GRIK2: variants seen among roughly 807,000 people sequenced by gnomAD.
GRIK2 encodes the protein glutamate receptor ionotropic, kainate 2.
Under a neutral mutation model 100.3 loss-of-function variants are expected in GRIK2, and 32 were observed. The observed-to-expected ratio is 0.32, with a 90% CI of 0.24 to 0.43. The LOEUF is 0.43. Ranked by LOEUF, GRIK2 falls within the 20% of genes least tolerant of loss-of-function variation. GRIK2 has a pLI of 1.00. For missense variants in GRIK2, 843 were observed against 1,114.9 expected (o/e 0.76, Z 3.47); for synonymous variants, 417 against 389.4 (o/e 1.07, Z -0.83).
intron 5 of GRIK2, among the ~76,000 whole-genome samples, chr6:101,679,796 A>G (rs759709190): frequency 2.0e-5 from 3 of 152,094 alleles, no homozygotes; most frequent in Non-Finnish European, 2.9e-5. Context: ...CTAAAGTGCA[A>G]TGGTGCGATC....
intron 7 of GRIK2, among the ~76,000 whole-genome samples, chr6:101,753,361 G>T (rs1316378048): frequency 6.6e-6 from 1 of 151,220 alleles, no homozygotes; most frequent in Non-Finnish European, 1.5e-5. Flanking sequence ...ATATTCCTAT[G>T]AATATAATAA....
At chr6:101,471,499 T>G (rs561346452) in intron 2 of GRIK2, among the ~76,000 whole-genome samples, 5 of 151,994 alleles carry the variant, frequency 3.3e-5, no homozygotes, top group Non-Finnish European at 2.9e-5. Flanking sequence ...AATCTAATTA[T>G]TTACAGGAAC....
At chr6:101,718,601 A>G (rs1208453845) in intron 7 of GRIK2, among the ~76,000 whole-genome samples, 1 of 151,918 alleles carries the variant, frequency 6.6e-6, no homozygotes, top group African/African-American at 2.4e-5. Context: ...TCCATTATCT[A>G]GACTGTGTCC....
intron 2 of GRIK2, among the ~76,000 whole-genome samples, chr6:101,561,219 G>T (rs1776996130): frequency 6.6e-6 from 1 of 152,146 alleles, no homozygotes; most frequent in South Asian, 2.1e-4. Flanking sequence ...ATTTAAGAAA[G>T]GTGACATTCA....
chr6:101,695,746 C>T (rs934281734), intron 7 of GRIK2, among the ~76,000 whole-genome samples: 6 of 152,010 alleles, frequency 3.9e-5, no homozygotes, highest in African/African-American at 1.5e-4. Context: ...TACACCTAAC[C>T]TACCTAACAT....
At chr6:101,897,637 T>C (rs1295148326) in intron 12 of GRIK2, among the ~76,000 whole-genome samples, 1 of 151,854 alleles carries the variant, frequency 6.6e-6, no homozygotes, top group African/African-American at 2.4e-5. Context: ...CAATGTCTAG[T>C]AAAGACAGGC....
intron 7 of GRIK2, among the ~76,000 whole-genome samples, chr6:101,718,580 A>G (rs926550443): frequency 6.6e-6 from 1 of 151,884 alleles, no homozygotes. Flanking sequence ...ATTCCCAACC[A>G]CCATCATCCC....
chr6:101,416,312 G>A (rs1487841189), intron 2 of GRIK2, among the ~76,000 whole-genome samples: 1 of 152,218 alleles, frequency 6.6e-6, no homozygotes, highest in Non-Finnish European at 1.5e-5. Context: ...TGTTAGAGGG[G>A]AGAAGAAGGA....
chr6:101,739,218 ATT>A, intron 7 of GRIK2, among the ~76,000 whole-genome samples: 1 of 152,330 alleles, frequency 6.6e-6, no homozygotes, highest in Non-Finnish European at 1.5e-5. Flanking sequence ...ATCGCATGCT[ATT>A]GATTTTACTC....
chr6:101,472,317 T>C (rs183778449), intron 2 of GRIK2, among the ~76,000 whole-genome samples: 2 of 151,918 alleles, frequency 1.3e-5, no homozygotes, highest in Admixed American at 1.3e-4. Flanking sequence ...TTGTTTTCCC[T>C]GTAGAGATAT....
intron 12 of GRIK2, among the ~76,000 whole-genome samples, chr6:101,915,982 C>T (rs965786947): frequency 2.0e-5 from 3 of 151,254 alleles, no homozygotes; most frequent in Admixed American, 6.6e-5. Flanking sequence ...AGTATTTCTT[C>T]ATGGATTTAA....
At chr6:101,861,098 T>G (rs1784709366) in intron 11 of GRIK2, among the ~76,000 whole-genome samples, 2 of 152,154 alleles carry the variant, frequency 1.3e-5, no homozygotes, top group South Asian at 2.1e-4. Flanking sequence ...AAACACTGCC[T>G]TAAACACTTT....
chr6:101,417,185 T>G (rs1360617224), intron 2 of GRIK2, among the ~76,000 whole-genome samples: 1 of 152,174 alleles, frequency 6.6e-6, no homozygotes, highest in Non-Finnish European at 1.5e-5. Context: ...CTCATGAGAC[T>G]TATTCACTAT....
chr6:101,571,259 C>T (rs771630769), intron 2 of GRIK2, among the ~76,000 whole-genome samples: 11 of 151,916 alleles, frequency 7.2e-5, no homozygotes, highest in Non-Finnish European at 1.3e-4. Flanking sequence ...TTTGCTGCAC[C>T]CATCACCCCA....
At chr6:101,639,445 C>A (rs1040427094) in intron 4 of GRIK2, among the ~76,000 whole-genome samples, 2 of 152,050 alleles carry the variant, frequency 1.3e-5, no homozygotes, top group African/African-American at 4.8e-5. Context: ...ATTTCTGATA[C>A]AGAATCACTT....
intron 10 of GRIK2, among the ~76,000 whole-genome samples, chr6:101,858,720 C>A (rs1209399798): frequency 1.3e-5 from 2 of 151,788 alleles, no homozygotes. Flanking sequence ...TAAACTACTA[C>A]TTTTTAAACT....
chr6:101,747,801 T>C (rs1776515128), intron 7 of GRIK2, among the ~76,000 whole-genome samples: 1 of 152,144 alleles, frequency 6.6e-6, no homozygotes, highest in Non-Finnish European at 1.5e-5. Flanking sequence ...TATCCCATAC[T>C]GTGCCATCTT....
chr6:101,403,286 G>T (rs2128236228), intron 2 of GRIK2, among the ~76,000 whole-genome samples: 1 of 152,302 alleles, frequency 6.6e-6, no homozygotes, highest in East Asian at 1.9e-4. Flanking sequence ...TTGCCGAATT[G>T]CTGAGCATAT....
rs1035556114 is a variant in GRIK2 at position 101,858,500 on chromosome 6, C to T, written c.1318-787C>T. Among the ~76,000 whole-genome samples the T allele has an allele frequency of 2.0e-5, 3 of 150,798 alleles. No individual in the cohort carries two copies. In the East Asian group the frequency reaches 5.9e-4, roughly 30 times the overall value. ...CTCCCGGGTTCACGCCATTCTCCTG[C>T]CTCAGCCTCCTGAATAGCTGGGACT... On this transcript the variant is annotated intron_variant, in intron 10 of 16. Transcript: ENST00000369134.
Sources: gnomAD v4.1 joint callset for allele counts (sites outside exome capture counted in the v4.1 genomes callset) on GRCh38, gnomAD v4.1.1 for gene constraint, MANE v1.5 for transcripts, NCBI Gene and HGNC (gene_info 2026-07-23, HGNC 2026-07-21) for gene names.